The following KCNQ1 variants were observed in gnomAD, a reference collection of about 807,000 sequenced individuals.
KCNQ1 encodes the protein potassium voltage-gated channel subfamily KQT member 1.
In KCNQ1, 49 loss-of-function variants were observed where a neutral mutation model predicts 72.4. The ratio of observed to expected loss-of-function variants is 0.68; its 90% confidence interval spans 0.54 to 0.86. KCNQ1 has a LOEUF of 0.86. Among genes scored for constraint, KCNQ1 ranks in the 40% least tolerant of loss-of-function variants. KCNQ1 has a pLI of 0.00. For synonymous variants in KCNQ1, 450 were observed against 412.6 expected, an observed-to-expected ratio of 1.09 and a Z score of -1.10; for missense variants, 790 against 945.1, an observed-to-expected ratio of 0.84 and a Z score of 2.15.
In KCNQ1 at chr11:2,600,875, G is replaced by A. The variant is rs1312633482; in HGVS notation, c.1393+12021G>A. Among the ~76,000 whole-genome samples the A allele has an allele frequency of 1.3e-5, 2 of 152,080 alleles. No individual in the cohort carries two copies. Among genetic ancestry groups the A allele is most frequent in the South Asian group, 2.1e-4 (1 of 4,824 alleles). Reference sequence around the variant, plus strand: ...TGATGTTTCCTCAGGTTAGATCCACGTTGTGTACTCTGTAAGTGACCTGAT... The same window carrying A: ...TGATGTTTCCTCAGGTTAGATCCACATTGTGTACTCTGTAAGTGACCTGAT... On this transcript the variant is annotated intron_variant, in intron 10 of 15. Coordinates refer to ENST00000155840, the MANE Select transcript of KCNQ1 (RefSeq NM_000218.3). This position sits in a 1 kb window ranked among gnomAD's most constrained non-coding sequence, Gnocchi z 5.6.
chr11:2,822,426 G>A (rs1035590226), intron 15 of KCNQ1, among the ~76,000 whole-genome samples: 1 of 152,176 alleles, frequency 6.6e-6, no homozygotes, highest in African/African-American at 2.4e-5. Context: ...GTGGGGAAAT[G>A]GGGACAGATA....
chr11:2,717,657 A>G (rs960883073), intron 11 of KCNQ1, among the ~76,000 whole-genome samples: 1 of 152,198 alleles, frequency 6.6e-6, no homozygotes, highest in Non-Finnish European at 1.5e-5. Flanking sequence ...CCAGGCCCGT[A>G]TGAACTGGCT....
At chr11:2,655,917 G>T (rs1268845527) in intron 10 of KCNQ1, 6 of 398,548 alleles carry the variant, frequency 1.5e-5, no homozygotes, top group Non-Finnish European at 4.4e-6. Context: ...CCGTTCCCAG[G>T]ATTAAACCAA....
chr11:2,788,762 G>A (rs998515443), intron 15 of KCNQ1, among the ~76,000 whole-genome samples: 13 of 152,272 alleles, frequency 8.5e-5, no homozygotes, highest in African/African-American at 3.1e-4. Context: ...GGCGGAGTCC[G>A]GAGGGGCTGC....
rs535896162 is a variant in KCNQ1, at chr11:2,735,720, C to T, written c.1515-33124C>T. 6.6e-6 allele frequency among the ~76,000 whole-genome samples: 1 copy of T among 152,072 alleles called. No homozygotes were observed. The highest frequency in any genetic ancestry group is 1.5e-5 in the Non-Finnish European group (1 of 68,010). ...GAGGCTGGAGTCCAAGGTCAAGGTG[C>T]TGCAGGGCTGGGTCCTCCTGCAGCC... On this transcript the variant is annotated intron_variant, in intron 11 of 15. Transcript: ENST00000155840. The surrounding 1 kb of genome is among the most constrained non-coding windows in gnomAD (Gnocchi z 7.7).
chr11:2,835,416 CA>C (rs1848040888), intron 15 of KCNQ1, among the ~76,000 whole-genome samples: 1 of 151,926 alleles, frequency 6.6e-6, no homozygotes, highest in African/African-American at 2.4e-5. Flanking sequence ...CACACACACA[CA>C]CACACACACA....
chr11:2,589,128 G>A (rs1403068497), intron 10 of KCNQ1, among the ~76,000 whole-genome samples: 1 of 152,224 alleles, frequency 6.6e-6, no homozygotes, highest in African/African-American at 2.4e-5. Flanking sequence ...TGTACTGAGG[G>A]AAGGGTGTGT....
Position 2,785,612 on chromosome 11 carries a change from TTTATATTTAATAC to T in KCNQ1, c.1794+7576_1794+7588del, listed in dbSNP as rs1448683468. On this transcript the variant is annotated intron_variant, in intron 15 of 15. Transcript: ENST00000155840. This position sits in a 1 kb window ranked among gnomAD's most constrained non-coding sequence, Gnocchi z 4.4. The stretch of plus-strand genomic sequence containing the variant: ...AGTTTTTAAAAAATCATTTAATACA[TTTATATTTAATAC>T]ATTTATATTTAATATAATTTCTAAT... 6.9e-3 allele frequency among the ~76,000 whole-genome samples: 3 copies of T among 432 alleles called. No individual in the cohort carries two copies. The highest frequency in any genetic ancestry group is 0.12 in the South Asian group (2 of 16). 0.3% of individuals were successfully genotyped at this position (432 alleles called of 152,430 possible). A position where few individuals can be genotyped will look rare whatever the true frequency, so the allele number is the denominator to read the frequency against.
At chr11:2,535,597 A>G (rs1017064793) in intron 2 of KCNQ1, among the ~76,000 whole-genome samples, 3 of 152,020 alleles carry the variant, frequency 2.0e-5, no homozygotes, top group Non-Finnish European at 4.4e-5. Flanking sequence ...GGTCCTGGGG[A>G]GCCCTGTGCA....
At chr11:2,799,923 T>A (rs1017508432) in intron 15 of KCNQ1, among the ~76,000 whole-genome samples, 9 of 152,174 alleles carry the variant, frequency 5.9e-5, no homozygotes, top group Non-Finnish European at 2.9e-5. Flanking sequence ...CCGTCAGTCC[T>A]CATGTCTACC....
At chr11:2,554,623 C>A (rs564017164) in intron 2 of KCNQ1, among the ~76,000 whole-genome samples, 1 of 152,308 alleles carries the variant, frequency 6.6e-6, no homozygotes, top group South Asian at 2.1e-4. Flanking sequence ...CCGTAAGGGG[C>A]ACGGGGGACA....
intron 11 of KCNQ1, chr11:2,666,721 C>T (rs1308926958): frequency 1.3e-5 from 5 of 398,662 alleles, no homozygotes; most frequent in South Asian, 1.3e-4. Context: ...CTGTGACCTA[C>T]TCCCACAGAC....
At position 2,696,319 on chromosome 11, in the gene KCNQ1, C is replaced by T. The variant is rs184511420; in HGVS notation, c.1514+34238C>T. ...CAGTTAGGAATCCATATTCCTATTC[C>T]TCCATTTTAGGGCTGGCTTTCCAAC... On this transcript the variant is annotated intron_variant, in intron 11 of 15. Coordinates refer to ENST00000155840, the MANE Select transcript of KCNQ1 (RefSeq NM_000218.3). 446 of 398,584 alleles carry T rather than the reference C, an allele frequency of 1.1e-3. 1 individual carries two copies. Among genetic ancestry groups the T allele is most frequent in the African/African-American group, 8.4e-3 (411 of 48,732 alleles). The allele number at this position is 398,584 out of a possible 1,614,324, so 24.7% of individuals were successfully genotyped here.
At position 2,775,829 on chromosome 11, in the gene KCNQ1, G is replaced by A; in HGVS notation, c.1591-131G>A. Reference sequence around the variant, plus strand: ...TGTGCACGCTTGGAACCAGGCTTATGCCATCACCACATAGGCGAGCTCCCA... The same window carrying A: ...TGTGCACGCTTGGAACCAGGCTTATACCATCACCACATAGGCGAGCTCCCA... On this transcript the variant is annotated intron_variant, in intron 12 of 15. Transcript: ENST00000155840. 16 of 853,776 alleles carry A rather than the reference G, an allele frequency of 1.9e-5. No homozygotes were observed. In the South Asian group the frequency reaches 2.3e-4, roughly 12 times the overall value. 52.9% of individuals were successfully genotyped at this position (853,776 alleles called of 1,614,324 possible). A position where few individuals can be genotyped will look rare whatever the true frequency, so the allele number is the denominator to read the frequency against.
At position 2,617,896 on chromosome 11, in the gene KCNQ1, A is replaced by T; in HGVS notation, c.1393+29042A>T. ...TAATTGGGTTATCTATTTTCTTGTTATTGAGTTGTATGCATTCCTTATAAA... is the reference window on the plus strand; with the variant it reads ...TAATTGGGTTATCTATTTTCTTGTTTTTGAGTTGTATGCATTCCTTATAAA... On this transcript the variant is annotated intron_variant, in intron 10 of 15. Transcript: ENST00000155840. This position sits in a 1 kb window ranked among gnomAD's most constrained non-coding sequence, Gnocchi z 4.6. 1 of 398,382 alleles carries T rather than the reference A, an allele frequency of 2.5e-6. No homozygotes were observed. The highest frequency in any genetic ancestry group is 4.4e-6 in the Non-Finnish European group (1 of 225,982). 24.7% of individuals were successfully genotyped at this position (398,382 alleles called of 1,614,324 possible). A position where few individuals can be genotyped will look rare whatever the true frequency, so the allele number is the denominator to read the frequency against.
At position 2,445,492 on chromosome 11, in the gene KCNQ1, T is replaced by G. The variant is rs756550641; in HGVS notation, c.386+8T>G. ...CGTTTACCACTTCGCCGTGTGAGTA[T>G]CGCCACCGGCGACGGCCGGCACGAA... On this transcript the variant is annotated splice_region_variant and intron_variant, in intron 1 of 15. Transcript: ENST00000155840. 6.3e-7 allele frequency: 1 copy of G among 1,592,674 alleles called. No homozygotes were observed. The highest frequency in any genetic ancestry group is 2.2e-5 in the East Asian group (1 of 44,700).
intron 2 of KCNQ1, among the ~76,000 whole-genome samples, chr11:2,568,944 G>T (rs1848285953): frequency 6.6e-6 from 1 of 152,222 alleles, no homozygotes; most frequent in Non-Finnish European, 1.5e-5. Flanking sequence ...GAGTACAATG[G>T]TGTGATCTCG....
chr11:2,500,438 T>C (rs1052372629), intron 1 of KCNQ1, among the ~76,000 whole-genome samples: 2 of 152,196 alleles, frequency 1.3e-5, no homozygotes, highest in Non-Finnish European at 2.9e-5. Context: ...GAGTGTAAAT[T>C]AGTTCAACCA....
intron 11 of KCNQ1, chr11:2,685,908 G>A (rs1850480998): frequency 2.5e-6 from 1 of 398,778 alleles, no homozygotes; most frequent in Non-Finnish European, 4.4e-6. Flanking sequence ...CTCCACGGAT[G>A]AGCCTGACCA....
Sources: gnomAD v4.1 joint callset for allele counts (sites outside exome capture counted in the v4.1 genomes callset) on GRCh38, gnomAD v4.1.1 for gene constraint, Gnocchi (gnomAD v3.1) non-coding constraint, MANE v1.5 for transcripts, NCBI Gene and HGNC (gene_info 2026-07-23, HGNC 2026-07-21) for gene names.